The following MDGA2 variants were observed in gnomAD, a reference collection of about 807,000 sequenced individuals.
MDGA2 encodes the protein MAM domain containing glycosylphosphatidylinositol anchor 2.
In MDGA2, 40 loss-of-function variants were observed where a neutral mutation model predicts 117.8. The ratio of observed to expected loss-of-function variants is 0.34; its 90% CI spans 0.26 to 0.44. MDGA2 has a LOEUF of 0.44. Among genes scored for constraint, MDGA2 ranks in the 20% least tolerant of loss-of-function variants. The pLI is 1.00. For missense variants in MDGA2, 1,123 were observed against 1,250.6 expected (o/e 0.90, Z 1.54); for synonymous variants, 452 against 439.0 (o/e 1.03, Z -0.37).
chr14:46,973,433 T>C (rs1959809), intron 8 of MDGA2, among the ~76,000 whole-genome samples: 1 of 151,902 alleles, frequency 6.6e-6, no homozygotes, highest in Non-Finnish European at 1.5e-5. Flanking sequence ...AGCTTATACA[T>C]AAAGCTTGCA....
chr14:47,087,116 A>G (rs1308639803), intron 6 of MDGA2, among the ~76,000 whole-genome samples: 1 of 152,206 alleles, frequency 6.6e-6, no homozygotes, highest in Non-Finnish European at 1.5e-5. Context: ...TCAGGAAATT[A>G]GTGTTCTTCA....
At chr14:47,139,025 A>G (rs1263154688) in intron 4 of MDGA2, among the ~76,000 whole-genome samples, 1 of 152,134 alleles carries the variant, frequency 6.6e-6, no homozygotes, top group East Asian at 1.9e-4. Flanking sequence ...AAATTGCTAT[A>G]GTTATTAACA....
chr14:46,859,840 A>G (rs1412460980), intron 14 of MDGA2, among the ~76,000 whole-genome samples: 4 of 152,130 alleles, frequency 2.6e-5, no homozygotes, highest in African/African-American at 7.2e-5. Flanking sequence ...AACTTTACAT[A>G]TAATGTAGTA....
chr14:47,516,130 T>G lies in MDGA2; in HGVS notation c.280+158387A>C, dbSNP rs370424575. Among the ~76,000 whole-genome samples the G allele has an allele frequency of 1.6e-4, 25 of 152,266 alleles. No homozygotes were observed. In the East Asian group the frequency reaches 4.4e-3, roughly 27 times the overall value. On this transcript the variant is annotated intron_variant, in intron 1 of 16. Transcript: ENST00000399232. ...TAGTTTTCTGGAAATAAGACCTGAC[T>G]TGCAGGTGATGCTTATGTCCCCTGT... is the stretch of plus-strand genomic sequence containing the variant.
At chr14:47,217,524 C>T (rs1416331938) in intron 3 of MDGA2, among the ~76,000 whole-genome samples, 4 of 151,694 alleles carry the variant, frequency 2.6e-5, no homozygotes, top group Admixed American at 6.6e-5. Flanking sequence ...AGAATTGGAC[C>T]AAAAGCAGAC....
chr14:47,455,041 G>A (rs1010233896), intron 1 of MDGA2, among the ~76,000 whole-genome samples: 2 of 152,144 alleles, frequency 1.3e-5, no homozygotes, highest in Non-Finnish European at 2.9e-5. Flanking sequence ...AGTCTAGAAA[G>A]ATGAGAAAAC....
At chr14:47,348,277 T>A (rs1035276775) in intron 1 of MDGA2, among the ~76,000 whole-genome samples, 2 of 151,616 alleles carry the variant, frequency 1.3e-5, no homozygotes, top group East Asian at 3.9e-4. Context: ...AGTGCACTGG[T>A]GTGATCTCAC....
chr14:46,873,396 T>C, intron 14 of MDGA2, 37 bp downstream of exon 14: 2 of 1,526,448 alleles, frequency 1.3e-6, no homozygotes, highest in African/African-American at 1.4e-5. Flanking sequence ...TTAGTTATCA[T>C]TAATTTTGTA....
At chr14:47,441,931 T>C (rs10147561) in intron 1 of MDGA2, among the ~76,000 whole-genome samples, 98,424 of 151,998 alleles carry the variant, frequency 0.65, 32,046 homozygotes, top group South Asian at 0.74. Context: ...ACAGAACAAA[T>C]ATTTTCCTAT....
At chr14:47,291,505 G>A (rs1463876211) in intron 2 of MDGA2, among the ~76,000 whole-genome samples, 4 of 152,120 alleles carry the variant, frequency 2.6e-5, no homozygotes, top group Admixed American at 6.5e-5. Flanking sequence ...TGAAAATATC[G>A]TGAGTTGAAA....
At chr14:47,525,117 C>T (rs1258775056) in intron 1 of MDGA2, among the ~76,000 whole-genome samples, 4 of 152,152 alleles carry the variant, frequency 2.6e-5, no homozygotes, top group Non-Finnish European at 5.9e-5. Context: ...AAATTGCTTC[C>T]TTGCAGCTTG....
intron 14 of MDGA2, among the ~76,000 whole-genome samples, chr14:46,861,552 A>G (rs191901234): frequency 9.9e-4 from 150 of 152,064 alleles, no homozygotes; most frequent in Middle Eastern, 3.4e-3. Context: ...ATTAGGTTTG[A>G]GAATAGGCTA....
At chr14:47,479,561 T>C (rs545132845) in intron 1 of MDGA2, among the ~76,000 whole-genome samples, 3 of 152,302 alleles carry the variant, frequency 2.0e-5, no homozygotes, top group African/African-American at 7.2e-5. Context: ...TTTAATGCTA[T>C]AGTCCATAAA....
intron 2 of MDGA2, chr14:47,299,576 CT>C (rs1330166270): frequency 1.3e-5 from 2 of 152,198 alleles, no homozygotes; most frequent in Non-Finnish European, 2.9e-5. Context: ...TATAACAACA[CT>C]ATATTTTCCT....
chr14:47,010,977 C>T (rs376854193), intron 8 of MDGA2, among the ~76,000 whole-genome samples: 23 of 152,060 alleles, frequency 1.5e-4, no homozygotes, highest in Middle Eastern at 3.4e-3. Context: ...AAGAGAATGG[C>T]GTTTTATTTT....
intron 2 of MDGA2, among the ~76,000 whole-genome samples, chr14:47,221,939 G>A (rs1014507835): frequency 2.0e-5 from 3 of 151,666 alleles, no homozygotes; most frequent in Non-Finnish European, 4.4e-5. Context: ...TCATCTCCTC[G>A]AATTTTTTTT....
chr14:47,286,440 G>T (rs932553174), intron 2 of MDGA2, among the ~76,000 whole-genome samples: 2 of 151,926 alleles, frequency 1.3e-5, no homozygotes, highest in African/African-American at 4.8e-5. Flanking sequence ...CATGAGATTA[G>T]TTTATTTGTA....
intron 14 of MDGA2, among the ~76,000 whole-genome samples, chr14:46,864,340 G>GCTTA (rs1881637378): frequency 6.7e-6 from 1 of 150,078 alleles, no homozygotes; most frequent in Non-Finnish European, 1.5e-5. Context: ...TAGAAGTGAT[G>GCTTA]CTTAGTCAAT....
chr14:46,936,531 T>C (rs1208389471), intron 9 of MDGA2, among the ~76,000 whole-genome samples: 1 of 151,660 alleles, frequency 6.6e-6, no homozygotes, highest in Non-Finnish European at 1.5e-5. Flanking sequence ...AAGGGAAAAA[T>C]CTCACTTACA....
Sources: allele counts gnomAD v4.1 joint callset (sites outside exome capture counted in the v4.1 genomes callset), GRCh38; gene constraint gnomAD v4.1.1; transcripts MANE v1.5; gene names NCBI Gene and HGNC (gene_info 2026-07-23, HGNC 2026-07-21).